The following KIAA1217 variants were observed in gnomAD, a reference collection of about 807,000 sequenced individuals.
The protein encoded by KIAA1217 is sickle tail protein homolog.
Under a neutral mutation model 163.9 loss-of-function variants are expected in KIAA1217, and 88 were observed. That is an observed-to-expected ratio of 0.54 (90% CI 0.45 to 0.64). The LOEUF is 0.64. Ranked by LOEUF, KIAA1217 falls within the 30% of genes least tolerant of loss-of-function variation. The pLI is 0.00. For synonymous variants in KIAA1217, 903 were observed against 923.1 expected (o/e 0.98, Z 0.39); for missense variants, 2,372 against 2,475.0 (o/e 0.96, Z 0.88).
intron 1 of KIAA1217, among the ~76,000 whole-genome samples, chr10:23,979,059 A>G (rs1458641461): frequency 6.6e-6 from 1 of 152,196 alleles, no homozygotes; most frequent in Non-Finnish European, 1.5e-5. Flanking sequence ...CAGGTAAGGA[A>G]TACTGCAACT....
rs183817620 is a variant in KIAA1217 at position 24,436,279 on chromosome 10, A to G, written c.753-2107A>G. 2.3e-3 allele frequency among the ~76,000 whole-genome samples: 349 copies of G among 152,344 alleles called. 1 individual carries two copies. Among genetic ancestry groups the G allele is most frequent in the African/African-American group, 8.0e-3 (331 of 41,584 alleles). ...AGTTACTTTGATTTAAATAAAAAAA[A>G]GAACCTAAAAATGTTCAAATGTAGA... On this transcript the variant is annotated intron_variant, in intron 4 of 20. Transcript: ENST00000376454.
chr10:24,333,234 AG>A (rs2045923814), intron 2 of KIAA1217, among the ~76,000 whole-genome samples: 1 of 152,110 alleles, frequency 6.6e-6, no homozygotes, highest in Non-Finnish European at 1.5e-5. Context: ...CATATTGGAC[AG>A]GCTGGTCTTG....
At chr10:23,998,038 A>C (rs1210480011) in intron 1 of KIAA1217, among the ~76,000 whole-genome samples, 1 of 151,232 alleles carries the variant, frequency 6.6e-6, no homozygotes, top group Non-Finnish European at 1.5e-5. Flanking sequence ...AATCCCATTT[A>C]TACCAACTCC....
At chr10:24,349,838 T>C (rs1308830403) in intron 2 of KIAA1217, among the ~76,000 whole-genome samples, 1 of 152,206 alleles carries the variant, frequency 6.6e-6, no homozygotes, top group African/African-American at 2.4e-5. Flanking sequence ...GGCAAGTTCA[T>C]GTATAATCAT....
chr10:23,846,448 C>G (rs1367925161), intron 1 of KIAA1217, among the ~76,000 whole-genome samples: 1 of 151,996 alleles, frequency 6.6e-6, no homozygotes, highest in Non-Finnish European at 1.5e-5. Flanking sequence ...GGTCCTTCAC[C>G]TCCCTTGTAA....
chr10:24,510,700 A>G (rs1424801958), intron 9 of KIAA1217, among the ~76,000 whole-genome samples: 2 of 152,112 alleles, frequency 1.3e-5, no homozygotes, highest in Non-Finnish European at 2.9e-5. Flanking sequence ...AAGTTGAGCA[A>G]ATCATCTTGA....
chr10:23,782,941 T>C (rs936747001), intron 1 of KIAA1217, among the ~76,000 whole-genome samples: 11 of 152,204 alleles, frequency 7.2e-5, no homozygotes, highest in African/African-American at 2.7e-4. Flanking sequence ...ATTACAGTTT[T>C]CCCCCATTAA....
intron 1 of KIAA1217, among the ~76,000 whole-genome samples, chr10:23,929,719 A>G (rs1938051): frequency 0.23 from 34,465 of 152,136 alleles, 8,260 homozygotes; most frequent in African/African-American, 0.61. Flanking sequence ...TGGGCACCTA[A>G]GTTGCTTACA....
chr10:24,270,348 A>G (rs2076655385), intron 2 of KIAA1217, among the ~76,000 whole-genome samples: 1 of 152,120 alleles, frequency 6.6e-6, no homozygotes, highest in South Asian at 2.1e-4. Flanking sequence ...CTGGGTTTCC[A>G]TAATGCCATT....
intron 2 of KIAA1217, among the ~76,000 whole-genome samples, chr10:24,064,740 G>A (rs1043096268): frequency 5.9e-5 from 9 of 152,116 alleles, no homozygotes; most frequent in Non-Finnish European, 1.0e-4. Context: ...TTGTACCTCT[G>A]GTAGAATTTG....
chr10:24,006,031 T>G (rs960171840), intron 1 of KIAA1217, among the ~76,000 whole-genome samples: 2 of 152,156 alleles, frequency 1.3e-5, no homozygotes, highest in Non-Finnish European at 2.9e-5. Flanking sequence ...AGGCTACTCA[T>G]CTCTCCTGTG....
chr10:23,966,311 G>A (rs751164272), intron 1 of KIAA1217, among the ~76,000 whole-genome samples: 5 of 152,160 alleles, frequency 3.3e-5, no homozygotes, highest in Non-Finnish European at 7.3e-5. Context: ...TCGTGGAATT[G>A]AGATTAATCT....
chr10:23,788,143 A>C (rs1485052649), intron 1 of KIAA1217, among the ~76,000 whole-genome samples: 1 of 152,176 alleles, frequency 6.6e-6, no homozygotes, highest in Non-Finnish European at 1.5e-5. Context: ...GGCTGCAGTG[A>C]ACTATGACTA....
At chr10:24,435,853 TG>T (rs773944800) in intron 4 of KIAA1217, among the ~76,000 whole-genome samples, 3 of 152,034 alleles carry the variant, frequency 2.0e-5, no homozygotes, top group Admixed American at 6.6e-5. Context: ...AGTTGTAGTA[TG>T]GATAGCCTAA....
At chr10:24,054,770 T>G (rs911719690) in intron 2 of KIAA1217, among the ~76,000 whole-genome samples, 2 of 152,162 alleles carry the variant, frequency 1.3e-5, no homozygotes, top group Non-Finnish European at 2.9e-5. Context: ...AGCCTACTGC[T>G]CATAGGCTAT....
At chr10:23,926,589 G>A (rs1423984274) in intron 1 of KIAA1217, among the ~76,000 whole-genome samples, 3 of 152,092 alleles carry the variant, frequency 2.0e-5, no homozygotes, top group Admixed American at 2.0e-4. Flanking sequence ...GCTGGGCGTG[G>A]TGGCAGGCGC....
intron 2 of KIAA1217, among the ~76,000 whole-genome samples, chr10:24,331,037 G>A (rs2045604414): frequency 6.6e-6 from 1 of 151,026 alleles, no homozygotes; most frequent in South Asian, 2.1e-4. Flanking sequence ...TTGAACTTCT[G>A]AACCCAAGTA....
At chr10:24,322,590 A>G in intron 2 of KIAA1217, among the ~76,000 whole-genome samples, 1 of 152,212 alleles carries the variant, frequency 6.6e-6, no homozygotes, top group East Asian at 1.9e-4. Context: ...TTTAAATTAC[A>G]TTTGAAACAT....
intron 3 of KIAA1217, among the ~76,000 whole-genome samples, chr10:24,404,461 G>A (rs886469815): frequency 1.3e-5 from 2 of 151,558 alleles, no homozygotes; most frequent in South Asian, 4.2e-4. Context: ...CAGCTACTCG[G>A]GAGGCTGAGA....
Sources: gnomAD v4.1 joint callset for allele counts (sites outside exome capture counted in the v4.1 genomes callset) on GRCh38, gnomAD v4.1.1 for gene constraint, MANE v1.5 for transcripts, NCBI Gene and HGNC (gene_info 2026-07-23, HGNC 2026-07-21) for gene names.